Variants in NR1I2 observed in about 807,000 individuals in gnomAD.
NR1I2 encodes nuclear receptor subfamily 1 group I member 2, also known as orphan nuclear receptor PAR1.
In NR1I2, 42 loss-of-function variants were observed where a neutral mutation model predicts 43.3. The observed-to-expected ratio is 0.97, with a 90% CI of 0.76 to 1.26. NR1I2 has a LOEUF of 1.26. Among genes scored for constraint, NR1I2 ranks in the 50% most tolerant of loss-of-function variants. The pLI is 0.00. For missense variants in NR1I2, 559 were observed against 566.7 expected (o/e 0.99, Z 0.14); for synonymous variants, 229 against 215.0 (o/e 1.06, Z -0.57).
chr3:119,791,399 C>T (rs2054916911), intron 1 of NR1I2, among the ~76,000 whole-genome samples: 1 of 152,210 alleles, frequency 6.6e-6, no homozygotes, highest in Non-Finnish European at 1.5e-5. Context: ...GCTGTGAACA[C>T]TCCTATGTAA....
chr3:119,787,762 C>T (rs547184939), intron 1 of NR1I2, among the ~76,000 whole-genome samples: 16 of 134,382 alleles, frequency 1.2e-4, no homozygotes, highest in East Asian at 2.3e-4. Flanking sequence ...TTTAATTATG[C>T]GTGTGTGTAT....
At chr3:119,808,920 G>C (rs1181950011) in intron 2 of NR1I2, among the ~76,000 whole-genome samples, 3 of 152,228 alleles carry the variant, frequency 2.0e-5, no homozygotes, top group Admixed American at 2.0e-4. Context: ...CTTTGATGTA[G>C]CATCAGAGTT....
chr3:119,792,398 A>G (rs1320185376), intron 1 of NR1I2: 2 of 1,298,332 alleles, frequency 1.5e-6, no homozygotes, highest in Non-Finnish European at 2.2e-6. Flanking sequence ...AGCAGGATGC[A>G]GAGAGGGCCA....
At chr3:119,801,905 G>A (rs1052796730) in intron 1 of NR1I2, among the ~76,000 whole-genome samples, 1 of 152,170 alleles carries the variant, frequency 6.6e-6, no homozygotes, top group Non-Finnish European at 1.5e-5. Flanking sequence ...TCTTCACATG[G>A]CCTCTCCGCA....
In NR1I2 at chr3:119,792,621, T is replaced by G. The variant is rs1577271228; in HGVS notation, c.-23+10321T>G. The G allele has an allele frequency of 1.2e-5, 7 of 595,396 alleles. No individual in the cohort carries two copies. In the East Asian group the frequency reaches 1.5e-4, roughly 13 times the overall value. 36.9% of individuals were successfully genotyped at this position (595,396 alleles called of 1,614,324 possible). A position where few individuals can be genotyped will look rare whatever the true frequency, so the allele number is the denominator to read the frequency against. On this transcript the variant is annotated intron_variant, in intron 1 of 8. Coordinates refer to ENST00000393716, the MANE Select transcript of NR1I2 (RefSeq NM_003889.4). ...GCCCCAGTGATTCTTAACACTGCCTTCCTTCTGCCTCCACTCCAGAAATCA... is the reference window on the plus strand; with the variant it reads ...GCCCCAGTGATTCTTAACACTGCCTGCCTTCTGCCTCCACTCCAGAAATCA...
chr3:119,793,800 G>A (rs2054954772), intron 1 of NR1I2, among the ~76,000 whole-genome samples: 1 of 152,032 alleles, frequency 6.6e-6, no homozygotes, highest in South Asian at 2.1e-4. Flanking sequence ...CATCTTTGAG[G>A]GCCTTTATTC....
intron 4 of NR1I2, 150 bp from the exon 5 acceptor site, chr3:119,812,536 C>A: frequency 1.2e-6 from 1 of 807,970 alleles, no homozygotes. Context: ...TGTGAGGACA[C>A]ACGCATGCAT....
At chr3:119,807,847 G>A (rs944855246) in intron 2 of NR1I2, among the ~76,000 whole-genome samples, 4 of 152,140 alleles carry the variant, frequency 2.6e-5, no homozygotes, top group African/African-American at 7.2e-5. Context: ...GAGGGGAAGG[G>A]CGGGGAGGGG....
chr3:119,801,115 AT>A (rs1405727383), intron 1 of NR1I2, among the ~76,000 whole-genome samples: 1 of 152,202 alleles, frequency 6.6e-6, no homozygotes, highest in Non-Finnish European at 1.5e-5. Flanking sequence ...CAAACTGACA[AT>A]TTTAGTCACG....
chr3:119,805,704 C>CCCT (rs2055147842), intron 1 of NR1I2, among the ~76,000 whole-genome samples: 1 of 36,344 alleles, frequency 2.8e-5, no homozygotes, highest in Non-Finnish European at 1.4e-4. Context: ...CTTGGTCCCC[C>CCCT]CCTCCCCCCC....
At chr3:119,799,311 T>C (rs552830745) in intron 1 of NR1I2, among the ~76,000 whole-genome samples, 2 of 152,344 alleles carry the variant, frequency 1.3e-5, no homozygotes, top group East Asian at 3.9e-4. Context: ...TTCACATGTT[T>C]ATTGGTCATT....
intron 2 of NR1I2, among the ~76,000 whole-genome samples, chr3:119,808,144 A>G (rs535308018): frequency 5.8e-4 from 88 of 152,342 alleles, no homozygotes; most frequent in African/African-American, 1.7e-3. Context: ...CTTGTCGCCA[A>G]TTGGTTTGGC....
rs186125568 is a variant in NR1I2 at position 119,788,238 on chromosome 3, C to G, written c.-23+5938C>G. ...AAGTGATCCTCCCGCCTCAGCCCCC[C>G]AGAGAGCTGGGACTACAGGTGTGTG... On this transcript the variant is annotated intron_variant, in intron 1 of 8. Coordinates refer to ENST00000393716, the MANE Select transcript of NR1I2 (RefSeq NM_003889.4). Among the ~76,000 whole-genome samples the G allele has an allele frequency of 7.3e-3, 1,105 of 152,258 alleles. 9 individuals are homozygous for G. Among genetic ancestry groups the G allele is most frequent in the Non-Finnish European group, 9.2e-3 (624 of 68,018 alleles).
intron 1 of NR1I2, among the ~76,000 whole-genome samples, chr3:119,788,968 A>G (rs2107946934): frequency 6.6e-6 from 1 of 152,334 alleles, no homozygotes; most frequent in South Asian, 2.1e-4. Flanking sequence ...AGCTTGTGAG[A>G]TGCTGAAGCT....
At chr3:119,798,851 T>A (rs2055037588) in intron 1 of NR1I2, among the ~76,000 whole-genome samples, 2 of 152,244 alleles carry the variant, frequency 1.3e-5, no homozygotes, top group Non-Finnish European at 2.9e-5. Context: ...TCATCTGTGC[T>A]GTAGCATCTA....
intron 1 of NR1I2, among the ~76,000 whole-genome samples, chr3:119,803,373 GAT>G (rs1317999397): frequency 1.4e-5 from 2 of 144,908 alleles, no homozygotes; most frequent in East Asian, 2.0e-4. Context: ...GAGAGAGAGA[GAT>G]AGAGAGGTCC....
chr3:119,792,527 TC>T, intron 1 of NR1I2: 1 of 1,032,060 alleles, frequency 9.7e-7, no homozygotes, highest in Non-Finnish European at 1.5e-6. Context: ...GGCAGGGCAG[TC>T]CGTGCTCCTC....
chr3:119,787,994 G>C (rs1304222504), intron 1 of NR1I2, among the ~76,000 whole-genome samples: 1 of 151,938 alleles, frequency 6.6e-6, no homozygotes, highest in African/African-American at 2.4e-5. Context: ...CAGTGACCTG[G>C]TTCCAAAGCT....
chr3:119,790,007 A>G (rs1319112258), intron 1 of NR1I2, among the ~76,000 whole-genome samples: 2 of 152,172 alleles, frequency 1.3e-5, no homozygotes, highest in Admixed American at 6.5e-5. Flanking sequence ...AATGTGAAGT[A>G]TGTTTTCATC....
Sources: allele counts gnomAD v4.1 joint callset (sites outside exome capture counted in the v4.1 genomes callset), GRCh38; gene constraint gnomAD v4.1.1; transcripts MANE v1.5; gene names NCBI Gene and HGNC (gene_info 2026-07-23, HGNC 2026-07-21).